Variants in GNG4 observed in about 807,000 individuals in gnomAD.
GNG4 encodes G protein subunit gamma 4, also known as guanine nucleotide-binding protein G(I)/G(S)/G(O) subunit gamma-4.
In GNG4, 4 loss-of-function variants were observed where a neutral mutation model predicts 5.8. That is an observed-to-expected ratio of 0.69 (90% confidence interval 0.34 to 1.57). The LOEUF (loss-of-function observed/expected upper bound fraction) is 1.57, where lower values mean the gene tolerates loss of function less well. GNG4 is among the 40% of genes most tolerant of loss of function. GNG4 has a pLI of 0.06. For synonymous variants in GNG4, 29 were observed against 32.9 expected, an observed-to-expected ratio of 0.88 and a Z score of 0.41; for missense variants, 96 against 95.1, an observed-to-expected ratio of 1.01 and a Z score of -0.04.
intron 1 of GNG4, among the ~76,000 whole-genome samples, chr1:235,639,768 A>G (rs1026126251): frequency 1.3e-5 from 2 of 152,108 alleles, no homozygotes; most frequent in African/African-American, 4.8e-5. Flanking sequence ...TGGTCTCCCA[A>G]AGTGCTGGGA....
intron 1 of GNG4, among the ~76,000 whole-genome samples, chr1:235,647,023 G>A (rs940962263): frequency 2.0e-5 from 3 of 152,148 alleles, no homozygotes; most frequent in Non-Finnish European, 4.4e-5. Context: ...TCTTTCGGTA[G>A]TATTACCCTG....
Position 235,587,633 on chromosome 1 carries a change from GA to G in GNG4, c.-10-3786del, listed in dbSNP as rs111686144. ...GGGTGGGGTGTGTGAATGTGGGGTG[GA>G]GTGTGAGTGTGGGAGGGTGTTGGGT... On this transcript the variant is annotated intron_variant, in intron 2 of 3. Coordinates refer to ENST00000391854, the MANE Select transcript of GNG4 (RefSeq NM_001098722.2). 7.4e-3 allele frequency among the ~76,000 whole-genome samples: 181 copies of G among 24,394 alleles called. 38 individuals are homozygous for G. Among genetic ancestry groups the G allele is most frequent in the East Asian group, 0.026 (4 of 154 alleles). 16.0% of individuals were successfully genotyped at this position (24,394 alleles called of 152,430 possible).
At chr1:235,647,783 C>A (rs1026672409) in intron 1 of GNG4, among the ~76,000 whole-genome samples, 1 of 152,282 alleles carries the variant, frequency 6.6e-6, no homozygotes, top group Non-Finnish European at 1.5e-5. Flanking sequence ...TACAGGCGTG[C>A]ACCACCACGC....
At position 235,600,576 on chromosome 1, in the gene GNG4, A is replaced by G. The variant is rs183178141; in HGVS notation, c.-122-5065T>C. On this transcript the variant is annotated intron_variant, in intron 1 of 3. Coordinates refer to ENST00000391854, the MANE Select transcript of GNG4 (RefSeq NM_001098722.2). ...AACCTCAGCGTCTGGAGTAGTTAGGACTACACCCAGCTAATTTTTAAACTT... is the reference window on the plus strand; with the variant it reads ...AACCTCAGCGTCTGGAGTAGTTAGGGCTACACCCAGCTAATTTTTAAACTT... Among the ~76,000 whole-genome samples, 182 of 151,786 alleles carry G rather than the reference A, an allele frequency of 1.2e-3. 4 individuals are homozygous for G. The highest frequency in any genetic ancestry group is 2.2e-4 in the Non-Finnish European group (15 of 67,954).
At chr1:235,573,739 T>G (rs1236128778) in intron 3 of GNG4, among the ~76,000 whole-genome samples, 1 of 151,992 alleles carries the variant, frequency 6.6e-6, no homozygotes, top group Non-Finnish European at 1.5e-5. Flanking sequence ...ATCGTGCCAC[T>G]GCACTCCAGC....
chr1:235,589,637 C>G (rs1455111106), intron 2 of GNG4, among the ~76,000 whole-genome samples: 2 of 152,192 alleles, frequency 1.3e-5, no homozygotes, highest in Non-Finnish European at 2.9e-5. Context: ...TGACCTTGTC[C>G]TCCTCAATGG....
chr1:235,595,142 G>A (rs577712432), intron 2 of GNG4, among the ~76,000 whole-genome samples: 2 of 152,178 alleles, frequency 1.3e-5, no homozygotes, highest in African/African-American at 4.8e-5. Context: ...CTCCTCCCCT[G>A]CTCCCCCAAC....
intron 3 of GNG4, among the ~76,000 whole-genome samples, chr1:235,571,353 T>C (rs958379869): frequency 2.6e-5 from 4 of 152,192 alleles, no homozygotes; most frequent in Non-Finnish European, 5.9e-5. Context: ...TTTAGGCAAG[T>C]TAATGAATCT....
At chr1:235,596,002 G>A (rs1218849177) in intron 1 of GNG4, among the ~76,000 whole-genome samples, 6 of 150,998 alleles carry the variant, frequency 4.0e-5, no homozygotes, top group Admixed American at 6.6e-5. Flanking sequence ...GTGAAACCCC[G>A]TCTCCACTAA....
In GNG4 at chr1:235,564,676, T is replaced by C. The variant is rs556405530; in HGVS notation, c.100-12439A>G. Among the ~76,000 whole-genome samples the C allele has an allele frequency of 2.9e-3, 434 of 152,250 alleles. 6 individuals carry two copies. The highest frequency in any genetic ancestry group is 1.1e-3 in the Non-Finnish European group (73 of 67,998). On this transcript the variant is annotated intron_variant, in intron 3 of 3. Coordinates refer to ENST00000391854, the MANE Select transcript of GNG4 (RefSeq NM_001098722.2). ...GATAAAAATTACATTTTTTTAAGAG[T>C]GGTCATCATAGTTATTATTATTTTT...
chr1:235,612,614 C>T (rs1250467884), intron 1 of GNG4, among the ~76,000 whole-genome samples: 1 of 152,052 alleles, frequency 6.6e-6, no homozygotes, highest in African/African-American at 2.4e-5. Flanking sequence ...CCTTGACATC[C>T]CAGGCTCAAG....
At chr1:235,561,070 C>T (rs977751719) in intron 3 of GNG4, among the ~76,000 whole-genome samples, 6 of 152,158 alleles carry the variant, frequency 3.9e-5, no homozygotes, top group Admixed American at 6.5e-5. Flanking sequence ...AGTGCAGTGG[C>T]GCCATCTCGG....
chr1:235,590,241 G>C (rs901607779), intron 2 of GNG4, among the ~76,000 whole-genome samples: 1 of 152,094 alleles, frequency 6.6e-6, no homozygotes, highest in Non-Finnish European at 1.5e-5. Flanking sequence ...GATCACCTGA[G>C]GTTAGGAGTT....
rs533853180 is a variant in GNG4 at position 235,600,100 on chromosome 1, C to CTTTTTTTTTTTTTTTTTTTTT, written c.-122-4610_-122-4590dup. ...TCCTTTATCTGGTTGCGGAAGAAAG[C>CTTTTTTTTTTTTTTTTTTTTT]TTTTTTTTTTTTTTTTTTTTTTTTT... On this transcript the variant is annotated intron_variant, in intron 1 of 3. Transcript: ENST00000391854. Among the ~76,000 whole-genome samples, 21 of 43,138 alleles carry CTTTTTTTTTTTTTTTTTTTTT rather than the reference C, an allele frequency of 4.9e-4. 5 individuals carry two copies. Among genetic ancestry groups the CTTTTTTTTTTTTTTTTTTTTT allele is most frequent in the Non-Finnish European group, 6.6e-4 (16 of 24,362 alleles). The allele number at this position is 43,138 out of a possible 152,430, so 28.3% of individuals were successfully genotyped here.
intron 1 of GNG4, among the ~76,000 whole-genome samples, chr1:235,605,387 C>G (rs1235400706): frequency 6.6e-6 from 1 of 152,060 alleles, no homozygotes; most frequent in East Asian, 1.9e-4. Flanking sequence ...GATGGCTAGG[C>G]TGGTCTCGAA....
At chr1:235,583,032 G>GATT (rs1355867012) in intron 3 of GNG4, among the ~76,000 whole-genome samples, 1 of 152,192 alleles carries the variant, frequency 6.6e-6, no homozygotes, top group Non-Finnish European at 1.5e-5. Context: ...TGAGACCTCT[G>GATT]ATTTGTGTTC....
chr1:235,556,840 A>G (rs1453448009), intron 3 of GNG4, among the ~76,000 whole-genome samples: 3 of 152,066 alleles, frequency 2.0e-5, no homozygotes, highest in African/African-American at 7.2e-5. Flanking sequence ...CTGCAACTAG[A>G]TGGTCCCATT....
At position 235,640,762 on chromosome 1, in the gene GNG4, G is replaced by A. The variant is rs562274608; in HGVS notation, c.-123+8900C>T. ...TCTCGGGGCCACCACCCCCTGCAGG[G>A]CTCCAGGAAGAGTCAAATTGCCCGG... On this transcript the variant is annotated intron_variant, in intron 1 of 3. Transcript: ENST00000391854. Among the ~76,000 whole-genome samples the A allele has an allele frequency of 1.8e-4, 28 of 152,330 alleles. 1 individual carries two copies. The highest frequency in any genetic ancestry group is 6.7e-4 in the African/African-American group (28 of 41,582).
At chr1:235,571,391 T>C (rs1158456934) in intron 3 of GNG4, among the ~76,000 whole-genome samples, 2 of 152,216 alleles carry the variant, frequency 1.3e-5, no homozygotes, top group Non-Finnish European at 1.5e-5. Flanking sequence ...CTCCTTCATA[T>C]AACAGAGTAC....
Sources: allele counts gnomAD v4.1 joint callset (sites outside exome capture counted in the v4.1 genomes callset), GRCh38; gene constraint gnomAD v4.1.1; transcripts MANE v1.5; gene names NCBI Gene and HGNC (gene_info 2026-07-23, HGNC 2026-07-21).